AGPAT4: variants seen among roughly 807,000 people sequenced by gnomAD.
AGPAT4 encodes the protein 1-acylglycerol-3-phosphate O-acyltransferase 4.
In AGPAT4, 15 loss-of-function variants were observed where a neutral mutation model predicts 48.0. That is an observed-to-expected ratio of 0.31 (90% CI 0.21 to 0.48). The LOEUF is 0.48. Ranked by LOEUF, AGPAT4 falls within the 20% of genes least tolerant of loss-of-function variation. The probability of loss-of-function intolerance (pLI) is 0.99; values close to 1 mark genes in which losing one functional copy is unlikely to be tolerated. For missense variants in AGPAT4, 314 were observed against 482.5 expected (o/e 0.65, Z 3.27); for synonymous variants, 178 against 198.7 (o/e 0.90, Z 0.88).
chr6:161,267,681 C>T lies in AGPAT4; in HGVS notation c.-90+6257G>A, dbSNP rs1161402394. On this transcript the variant is annotated intron_variant, in intron 1 of 8. Coordinates refer to ENST00000320285, the MANE Select transcript of AGPAT4 (RefSeq NM_020133.3). This position sits in a 1 kb window ranked among gnomAD's most constrained non-coding sequence, Gnocchi z 5.2. Reference sequence around the variant, plus strand: ...AGGTTGCAGTGAGCCAAGACTGCGCCATTGCACTCCAGCCTGGGCAACAAG... The same window carrying T: ...AGGTTGCAGTGAGCCAAGACTGCGCTATTGCACTCCAGCCTGGGCAACAAG... 6.6e-6 allele frequency among the ~76,000 whole-genome samples: 1 copy of T among 151,536 alleles called. No homozygotes were observed. The highest frequency in any genetic ancestry group is 1.5e-5 in the Non-Finnish European group (1 of 67,898).
At position 161,158,228 on chromosome 6, in the gene AGPAT4, C is replaced by A. The variant is rs908892420; in HGVS notation, c.349-3918G>T. Among the ~76,000 whole-genome samples the A allele has an allele frequency of 6.6e-6, 1 of 152,220 alleles. No homozygotes were observed. The highest frequency in any genetic ancestry group is 2.4e-5 in the African/African-American group (1 of 41,458). ...GACTAGAAACTGCTATTAAGACATA[C>A]TGACAGTTCCCCCGGCAAAAGGTTC... On this transcript the variant is annotated intron_variant, in intron 3 of 8. Coordinates refer to ENST00000320285, the MANE Select transcript of AGPAT4 (RefSeq NM_020133.3). The surrounding 1 kb of genome is among the most constrained non-coding windows in gnomAD (Gnocchi z 5.3).
In AGPAT4 at chr6:161,235,884, C is replaced by T. The variant is rs760466660; in HGVS notation, c.-89-3582G>A. ...GTCCCACCTCCAGTGCTGGGGATTACAAATTCAACGTGAGACTTGGGCAGG... is the reference window on the plus strand; with the variant it reads ...GTCCCACCTCCAGTGCTGGGGATTATAAATTCAACGTGAGACTTGGGCAGG... On this transcript the variant is annotated intron_variant, in intron 1 of 8. Coordinates refer to ENST00000320285, the MANE Select transcript of AGPAT4 (RefSeq NM_020133.3). The surrounding 1 kb of genome is among the most constrained non-coding windows in gnomAD (Gnocchi z 6.2). 1.5e-4 allele frequency among the ~76,000 whole-genome samples: 23 copies of T among 152,184 alleles called. No homozygotes were observed. The highest frequency in any genetic ancestry group is 2.9e-4 in the Non-Finnish European group (20 of 68,016).
At position 161,166,455 on chromosome 6, in the gene AGPAT4, C is replaced by T; in HGVS notation, c.179-38G>A. 6.4e-7 allele frequency: 1 copy of T among 1,555,098 alleles called. No individual in the cohort carries two copies. On this transcript the variant is annotated intron_variant, in intron 2 of 8. Transcript: ENST00000320285. The surrounding 1 kb of genome is among the most constrained non-coding windows in gnomAD (Gnocchi z 6.7). The stretch of plus-strand genomic sequence containing the variant: ...ACAACAGACAGATGTTTACTACATG[C>T]AGCCTTGTCCTGGGAGCCCTGCTGA...
Position 161,195,986 on chromosome 6 carries a change from C to T in AGPAT4, c.179-29569G>A, listed in dbSNP as rs1781055836. On this transcript the variant is annotated intron_variant, in intron 2 of 8. Transcript: ENST00000320285. This position sits in a 1 kb window ranked among gnomAD's most constrained non-coding sequence, Gnocchi z 5.0. Reference sequence around the variant, plus strand: ...CGTGTGCAGAGGCAGCTCACACCCACAAGGCTCTGTGATTCACGTGCTGGA... The same window carrying T: ...CGTGTGCAGAGGCAGCTCACACCCATAAGGCTCTGTGATTCACGTGCTGGA... Among the ~76,000 whole-genome samples, 2 of 152,208 alleles carry T rather than the reference C, an allele frequency of 1.3e-5. No individual in the cohort carries two copies. The highest frequency in any genetic ancestry group is 2.9e-5 in the Non-Finnish European group (2 of 68,042).
In AGPAT4 at chr6:161,219,851, A is replaced by G. The variant is rs185539188; in HGVS notation, c.178+12185T>C. On this transcript the variant is annotated intron_variant, in intron 2 of 8. Coordinates refer to ENST00000320285, the MANE Select transcript of AGPAT4 (RefSeq NM_020133.3). This position sits in a 1 kb window ranked among gnomAD's most constrained non-coding sequence, Gnocchi z 4.9. Reference sequence around the variant, plus strand: ...GATAGATAGATAGATAGATAGATAGATAGATAGATAGATAGATAGATAGGC... The same window carrying G: ...GATAGATAGATAGATAGATAGATAGGTAGATAGATAGATAGATAGATAGGC... Among the ~76,000 whole-genome samples, 1 of 113,914 alleles carries G rather than the reference A, an allele frequency of 8.8e-6. No homozygotes were observed. The highest frequency in any genetic ancestry group is 3.9e-5 in the African/African-American group (1 of 25,538). 74.7% of individuals were successfully genotyped at this position (113,914 alleles called of 152,430 possible). A position where few individuals can be genotyped will look rare whatever the true frequency, so the allele number is the denominator to read the frequency against.
At chr6:161,273,335 G>A (rs1783483689) in intron 1 of AGPAT4, among the ~76,000 whole-genome samples, 1 of 151,910 alleles carries the variant, frequency 6.6e-6, no homozygotes, top group Non-Finnish European at 1.5e-5. Context: ...CCTGTGATAG[G>A]GAAAAACCAA....
At chr6:161,175,186 T>G (rs1054218082) in intron 2 of AGPAT4, among the ~76,000 whole-genome samples, 1 of 152,194 alleles carries the variant, frequency 6.6e-6, no homozygotes, top group Non-Finnish European at 1.5e-5. Flanking sequence ...GAGGATTCTC[T>G]TTTTTTCTAT....
rs1246959958 is a variant in AGPAT4 at position 161,144,655 on chromosome 6, T to C, written c.843+1869A>G. On this transcript the variant is annotated intron_variant, in intron 7 of 8. Coordinates refer to ENST00000320285, the MANE Select transcript of AGPAT4 (RefSeq NM_020133.3). This position sits in a 1 kb window ranked among gnomAD's most constrained non-coding sequence, Gnocchi z 6.6. The stretch of plus-strand genomic sequence containing the variant: ...ACAAAAGAGGCTCATTTTCTAAACC[T>C]TTTCTTAGCATACTCTGCTTTCGGC... 2.0e-5 allele frequency among the ~76,000 whole-genome samples: 3 copies of C among 152,166 alleles called. No homozygotes were observed. Among genetic ancestry groups the C allele is most frequent in the Non-Finnish European group, 4.4e-5 (3 of 68,032 alleles).
Position 161,171,042 on chromosome 6 carries a change from C to G in AGPAT4, c.179-4625G>C, listed in dbSNP as rs1027454339. 1.3e-5 allele frequency among the ~76,000 whole-genome samples: 2 copies of G among 152,202 alleles called. No individual in the cohort carries two copies. The highest frequency in any genetic ancestry group is 4.8e-5 in the African/African-American group (2 of 41,442). On this transcript the variant is annotated intron_variant, in intron 2 of 8. Coordinates refer to ENST00000320285, the MANE Select transcript of AGPAT4 (RefSeq NM_020133.3). This position sits in a 1 kb window ranked among gnomAD's most constrained non-coding sequence, Gnocchi z 4.4. ...ACCTCCAATTTAACTCAGAAAGTTA[C>G]CAGTGGGCACCTGAGCAATCCATCC...
chr6:161,219,908 CA>C lies in AGPAT4; in HGVS notation c.178+12127del, dbSNP rs71558035. Among the ~76,000 whole-genome samples, 647 of 124,174 alleles carry C rather than the reference CA, an allele frequency of 5.2e-3. 3 individuals are homozygous for C. The highest frequency in any genetic ancestry group is 0.013 in the East Asian group (53 of 4,078). The allele number at this position is 124,174 out of a possible 152,430, so 81.5% of individuals were successfully genotyped here. A position where few individuals can be genotyped will look rare whatever the true frequency, so the allele number is the denominator to read the frequency against. ...GCAGGCAGGCAGGCAGGCAGGCAGG[CA>C]GGCAGGCGGCAGGCAGGCAGGCAGG... On this transcript the variant is annotated intron_variant, in intron 2 of 8. Coordinates refer to ENST00000320285, the MANE Select transcript of AGPAT4 (RefSeq NM_020133.3). The surrounding 1 kb of genome is among the most constrained non-coding windows in gnomAD (Gnocchi z 4.9).
rs144785749 is a variant in AGPAT4, at chr6:161,149,889, C to T, written c.665-600G>A. On this transcript the variant is annotated intron_variant, in intron 5 of 8. Coordinates refer to ENST00000320285, the MANE Select transcript of AGPAT4 (RefSeq NM_020133.3). This position sits in a 1 kb window ranked among gnomAD's most constrained non-coding sequence, Gnocchi z 6.5. ...TGCAAAGTCAGGTCTAGAGGTACTA[C>T]GACGATGATTTGTAACTTTCTAATG... 8.5e-5 allele frequency among the ~76,000 whole-genome samples: 13 copies of T among 152,104 alleles called. No individual in the cohort carries two copies. Among genetic ancestry groups the T allele is most frequent in the South Asian group, 2.1e-4 (1 of 4,816 alleles).
rs1470771302 is a variant in AGPAT4 at position 161,243,152 on chromosome 6, A to G, written c.-89-10850T>C. 1.3e-5 allele frequency among the ~76,000 whole-genome samples: 2 copies of G among 152,156 alleles called. No homozygotes were observed. The highest frequency in any genetic ancestry group is 6.5e-5 in the Admixed American group (1 of 15,282). ...GCATGTTGAAATTGTCGATTTCATCATCGTCATTGCTGCTACGTGGCTGTG... is the reference window on the plus strand; with the variant it reads ...GCATGTTGAAATTGTCGATTTCATCGTCGTCATTGCTGCTACGTGGCTGTG... On this transcript the variant is annotated intron_variant, in intron 1 of 8. Transcript: ENST00000320285. The surrounding 1 kb of genome is among the most constrained non-coding windows in gnomAD (Gnocchi z 4.8).
intron 2 of AGPAT4, among the ~76,000 whole-genome samples, chr6:161,167,073 A>T (rs1290109265): frequency 2.0e-5 from 3 of 152,206 alleles, no homozygotes; most frequent in Non-Finnish European, 2.9e-5. Flanking sequence ...CCATCCAGGG[A>T]ACCTATTCCC....
rs570596618 is a variant in AGPAT4, at chr6:161,192,977, A to G, written c.179-26560T>C. The stretch of plus-strand genomic sequence containing the variant: ...GTCTTGTATATTTTGGTGTTCCACA[A>G]TTTCACTATGATGCATCTACGTGTG... On this transcript the variant is annotated intron_variant, in intron 2 of 8. Coordinates refer to ENST00000320285, the MANE Select transcript of AGPAT4 (RefSeq NM_020133.3). Among the ~76,000 whole-genome samples the G allele has an allele frequency of 5.3e-5, 8 of 152,268 alleles. No individual in the cohort carries two copies. In the South Asian group the frequency reaches 1.2e-3, roughly 24 times the overall value.
At chr6:161,227,750 G>A (rs1782021078) in intron 2 of AGPAT4, among the ~76,000 whole-genome samples, 1 of 152,116 alleles carries the variant, frequency 6.6e-6, no homozygotes, top group South Asian at 2.1e-4. Flanking sequence ...TTATTCCAGC[G>A]AGAAACAGAT....
rs1779732552 is a variant in AGPAT4, at chr6:161,155,167, T to G, written c.349-857A>C. Among the ~76,000 whole-genome samples the G allele has an allele frequency of 6.6e-6, 1 of 152,162 alleles. No homozygotes were observed. The highest frequency in any genetic ancestry group is 2.1e-4 in the South Asian group (1 of 4,822). On this transcript the variant is annotated intron_variant, in intron 3 of 8. Transcript: ENST00000320285. This position sits in a 1 kb window ranked among gnomAD's most constrained non-coding sequence, Gnocchi z 5.8. ...GCAGTCCTGGGTCCCCAGGGCTCGG[T>G]GTGGCCCTCCCCAGCCAGGCGTCCA...
Position 161,232,176 on chromosome 6 carries a change from C to A in AGPAT4, c.38G>T (p.Cys13Phe), listed in dbSNP as rs1161830359. The A allele has an allele frequency of 2.5e-6, 4 of 1,614,136 alleles. No homozygotes were observed. The Admixed American group carries it at 6.7e-5, about 27-fold the overall frequency. The change falls in exon 2 of 9, where the codon TGC becomes TTC. Residue 13 changes from cysteine (C) to phenylalanine (F), a missense_variant. Transcript: ENST00000320285. This position sits in a 1 kb window ranked among gnomAD's most constrained non-coding sequence, Gnocchi z 6.8. ...AAAGACGTAGCAGAAGACCAGGTGGCACAGGAACTGAGACTTCAGCAGTCC... is the reference window on the plus strand; with the variant it reads ...AAAGACGTAGCAGAAGACCAGGTGGAACAGGAACTGAGACTTCAGCAGTCC... ...LAGLLKSQFL[C>F]HLVFCYVFIA...
intron 1 of AGPAT4, among the ~76,000 whole-genome samples, chr6:161,241,007 G>A (rs1166261419): frequency 6.6e-6 from 1 of 152,122 alleles, no homozygotes; most frequent in Non-Finnish European, 1.5e-5. Flanking sequence ...GCTCACACCT[G>A]TAATCCCAGC....
intron 2 of AGPAT4, among the ~76,000 whole-genome samples, chr6:161,188,700 G>GT (rs1780838563): frequency 6.6e-6 from 1 of 152,122 alleles, no homozygotes; most frequent in Admixed American, 6.5e-5. Flanking sequence ...TCCAGTCCTT[G>GT]TTAACCCAGC....
Sources: gnomAD v4.1 joint callset for allele counts (sites outside exome capture counted in the v4.1 genomes callset) on GRCh38, gnomAD v4.1.1 for gene constraint, Gnocchi (gnomAD v3.1) non-coding constraint, MANE v1.5 for transcripts, NCBI Gene and HGNC (gene_info 2026-07-23, HGNC 2026-07-21) for gene names.